ADGRV1: variants seen among roughly 807,000 people sequenced by gnomAD.
ADGRV1 encodes G-protein coupled receptor 98.
A neutral mutation model predicts 596.2 loss-of-function variants in ADGRV1; 359 were observed. That is an observed-to-expected ratio of 0.60 (90% CI 0.55 to 0.66). The LOEUF is 0.66. Ranked by LOEUF, ADGRV1 falls within the 30% of genes least tolerant of loss-of-function variation. ADGRV1 has a pLI of 0.00. For synonymous variants in ADGRV1, 2,681 were observed against 2,679.2 expected, an observed-to-expected ratio of 1.00 and a Z score of -0.02; for missense variants, 7,274 against 7,575.6, an observed-to-expected ratio of 0.96 and a Z score of 1.48.
rs895520235 is a variant in ADGRV1, at chr5:90,694,264, A to G, written c.7508A>G (p.Tyr2503Cys). 21 of 1,613,858 alleles carry G rather than the reference A, an allele frequency of 1.3e-5. No individual in the cohort carries two copies. The highest frequency in any genetic ancestry group is 7.7e-5 in the South Asian group (7 of 91,094). ...FSGQAVAGSD[Y>C]EPVTRQWAIM... ...GGTCAGGCTGTGGCTGGGAGTGACT[A>G]TGAGCCTGTGACAAGGCAATGGGCC... Residue 2503 changes from tyrosine (Y) to cysteine (C), a missense_variant, in exon 33 of 90, where the codon TAT becomes TGT. Physicochemically the swap from Tyr to Cys is radical, Grantham distance 194. This residue lies in a region of ADGRV1 where 3,643 missense variants were observed against 3,809.2 expected (regional missense o/e 0.96). Coordinates refer to ENST00000405460, the MANE Select transcript of ADGRV1 (RefSeq NM_032119.4).
rs759742825 is a variant in ADGRV1 at position 90,627,787 on chromosome 5, T to C, written c.1238+11T>C. The C allele has an allele frequency of 7.1e-7, 1 of 1,402,236 alleles. No homozygotes were observed. The highest frequency in any genetic ancestry group is 1.4e-5 in the African/African-American group (1 of 69,078). The allele number at this position is 1,402,236 out of a possible 1,614,324, so 86.9% of individuals were successfully genotyped here. A position where few individuals can be genotyped will look rare whatever the true frequency, so the allele number is the denominator to read the frequency against. On this transcript the variant is annotated intron_variant, in intron 7 of 89. Transcript: ENST00000405460. ...AGATAGAATATCAAGGTATGATTTA[T>C]TTTAAATATATTGCTACCATTATTT...
intron 1 of ADGRV1, among the ~76,000 whole-genome samples, chr5:90,579,556 GT>G (rs1227913026): frequency 1.3e-5 from 2 of 152,330 alleles, no homozygotes; most frequent in African/African-American, 4.8e-5. Context: ...TAAGTGTGAT[GT>G]GGTGCTGAGA....
chr5:90,781,591 A>G lies in ADGRV1; in HGVS notation c.13231+13A>G. Reference sequence around the variant, plus strand: ...ACTGCCTTCGAAGGTAGGTTCAGTCAGCTAGCTTGTAAGTAAGTTTACTAC... The same window carrying G: ...ACTGCCTTCGAAGGTAGGTTCAGTCGGCTAGCTTGTAAGTAAGTTTACTAC... On this transcript the variant is annotated intron_variant, in intron 65 of 89. Transcript: ENST00000405460. The G allele has an allele frequency of 2.5e-6, 4 of 1,586,740 alleles. No homozygotes were observed. Among genetic ancestry groups the G allele is most frequent in the Non-Finnish European group, 3.4e-6 (4 of 1,165,354 alleles).
At chr5:90,831,765 C>T (rs949066359) in intron 77 of ADGRV1, among the ~76,000 whole-genome samples, 16 of 152,030 alleles carry the variant, frequency 1.1e-4, no homozygotes, top group Non-Finnish European at 2.4e-4. Context: ...CATTCTACTC[C>T]CTATCTTCAT....
chr5:90,929,999 G>A (rs767784222), intron 83 of ADGRV1, among the ~76,000 whole-genome samples: 1 of 152,096 alleles, frequency 6.6e-6, no homozygotes, highest in East Asian at 1.9e-4. Context: ...TAAAAGGCCA[G>A]TCTATATTTA....
At position 90,924,661 on chromosome 5, in the gene ADGRV1, C is replaced by G. The variant is rs556856157; in HGVS notation, c.17857-40754C>G. ...ATTAGATCCCATTTGTCAATTTTGT[C>G]TTTTGTTGCCATTGCTTTTGGTGTT... is the stretch of plus-strand genomic sequence containing the variant. On this transcript the variant is annotated intron_variant, in intron 83 of 89. Coordinates refer to ENST00000405460, the MANE Select transcript of ADGRV1 (RefSeq NM_032119.4). Among the ~76,000 whole-genome samples the G allele has an allele frequency of 2.8e-4, 43 of 152,056 alleles. No homozygotes were observed. In the East Asian group the frequency reaches 5.6e-3, roughly 20 times the overall value.
intron 87 of ADGRV1, among the ~76,000 whole-genome samples, chr5:91,112,952 G>T (rs1265070310): frequency 6.6e-6 from 1 of 152,166 alleles, no homozygotes; most frequent in Non-Finnish European, 1.5e-5. Flanking sequence ...TGAGCAAAAA[G>T]AAGTGTTTAT....
chr5:90,783,256 G>A lies in ADGRV1; in HGVS notation c.13364G>A (p.Ser4455Asn), dbSNP rs727503081. 6 of 1,613,430 alleles carry A rather than the reference G, an allele frequency of 3.7e-6. No homozygotes were observed. The Admixed American group carries it at 8.3e-5, about 22-fold the overall frequency. Residue 4455 changes from serine to asparagine, a missense_variant, in exon 66 of 90, where the codon AGT (serine) becomes AAT (asparagine). This residue lies in a region of ADGRV1 where 3,643 missense variants were observed against 3,809.2 expected (regional missense o/e 0.96). Transcript: ENST00000405460. ...PGGVDYILHG[S>N]TVTFQHGQNL... ...GGTGTTGATTACATTTTGCATGGCA[G>A]TACAGTCACCTTTCAGCATGGGCAA...
At chr5:90,758,347 A>C (rs1189405968) in intron 57 of ADGRV1, among the ~76,000 whole-genome samples, 1 of 152,178 alleles carries the variant, frequency 6.6e-6, no homozygotes, top group African/African-American at 2.4e-5. Context: ...AAAACAAAAA[A>C]CAAAAAACCG....
In ADGRV1 at chr5:90,805,434, G is replaced by A. The variant is rs777579918; in HGVS notation, c.14812G>A (p.Val4938Ile). The change falls in exon 72 of 90, where the codon GTT (valine) becomes ATT (isoleucine). Residue 4938 changes from valine to isoleucine, a missense_variant. Transcript: ENST00000405460. ...PGLEIPEFIV[V>I]GNMTPTLGSL... The stretch of plus-strand genomic sequence containing the variant: ...GTTAGAAATTCCTGAATTCATTGTT[G>A]TTGGCAACATGACCCCAACACTGGG... 1.3e-5 allele frequency: 21 copies of A among 1,591,266 alleles called. No individual in the cohort carries two copies. Among genetic ancestry groups the A allele is most frequent in the Admixed American group, 5.0e-5 (3 of 59,606 alleles).
In ADGRV1 at chr5:90,807,736, C is replaced by T. The variant is rs1233334494; in HGVS notation, c.14971C>T (p.Arg4991Ter). The T allele has an allele frequency of 5.2e-6, 8 of 1,541,442 alleles. No individual in the cohort carries two copies. Among genetic ancestry groups the T allele is most frequent in the African/African-American group, 1.4e-5 (1 of 72,798 alleles). The part of the protein sequence containing the change: ...QSSAPGGAQL[R>*]SGFIVAEIEP... ...CAGTGCTCCTGGCGGAGCTCAACTC[C>T]GGTAAGACCAACCTCATTCTCACCC... is the stretch of plus-strand genomic sequence containing the variant. The change falls in exon 73 of 90, where the codon CGA becomes TGA. Residue 4991 changes from arginine (R) to a stop codon, truncating the protein, a stop_gained and splice_region_variant. Coordinates refer to ENST00000405460, the MANE Select transcript of ADGRV1 (RefSeq NM_032119.4). LOFTEE classifies it high-confidence loss of function.
intron 1 of ADGRV1, among the ~76,000 whole-genome samples, chr5:90,604,440 T>C (rs961253475): frequency 4.6e-5 from 7 of 152,130 alleles, no homozygotes; most frequent in African/African-American, 1.7e-4. Context: ...AATTAGATAA[T>C]ACTACTGAAT....
rs776256751 is a variant in ADGRV1, at chr5:90,724,951, A to G, written c.9868A>G (p.Thr3290Ala). The change falls in exon 46 of 90, where the codon ACT (threonine) becomes GCT (alanine). Residue 3290 changes from threonine to alanine, a missense_variant. Transcript: ENST00000405460. The part of the protein sequence containing the change: ...YGIMLRKSSV[T>A]VYRWQGIFIP... Reference sequence around the variant, plus strand: ...TATAATGTTAAGAAAATCATCTGTTACTGTTTACCGATGGCAGGGGATTTT... The same window carrying G: ...TATAATGTTAAGAAAATCATCTGTTGCTGTTTACCGATGGCAGGGGATTTT... 5.0e-6 allele frequency: 8 copies of G among 1,607,636 alleles called. No homozygotes were observed. The South Asian group carries it at 9.0e-5, about 18-fold the overall frequency.
intron 83 of ADGRV1, among the ~76,000 whole-genome samples, chr5:90,963,228 C>CT (rs1778177691): frequency 5.3e-5 from 8 of 152,094 alleles, no homozygotes; most frequent in Admixed American, 1.3e-4. Context: ...AAAATGATTG[C>CT]TTTTTTATCC....
intron 84 of ADGRV1, among the ~76,000 whole-genome samples, chr5:90,985,129 C>T (rs1780381693): frequency 6.6e-6 from 1 of 152,092 alleles, no homozygotes; most frequent in South Asian, 2.1e-4. Context: ...AAATATTTCC[C>T]TGTGTTTCCA....
chr5:90,911,844 T>C (rs531621667), intron 83 of ADGRV1, among the ~76,000 whole-genome samples: 8 of 152,260 alleles, frequency 5.3e-5, no homozygotes, highest in African/African-American at 1.9e-4. Flanking sequence ...TTGATTAAAG[T>C]AGAAACTGTC....
At chr5:91,010,508 T>G (rs1319504317) in intron 85 of ADGRV1, among the ~76,000 whole-genome samples, 1 of 152,092 alleles carries the variant, frequency 6.6e-6, no homozygotes, top group Non-Finnish European at 1.5e-5. Flanking sequence ...TCTCATTTAT[T>G]TAGATGAATT....
At chr5:90,927,546 T>C (rs1051636384) in intron 83 of ADGRV1, among the ~76,000 whole-genome samples, 1 of 152,216 alleles carries the variant, frequency 6.6e-6, no homozygotes, top group African/African-American at 2.4e-5. Context: ...GTGAGATGCG[T>C]TTCCTGAATA....
chr5:91,144,866 G>A (rs1252113504), intron 87 of ADGRV1, among the ~76,000 whole-genome samples: 1 of 152,242 alleles, frequency 6.6e-6, no homozygotes, highest in South Asian at 2.1e-4. Context: ...AATGCACGTA[G>A]TGGGTGATCA....
Sources: gnomAD v4.1 joint callset for allele counts (sites outside exome capture counted in the v4.1 genomes callset) on GRCh38, gnomAD v4.1.1 for gene constraint, gnomAD v4.1.1 regional missense constraint, MANE v1.5 for transcripts, NCBI Gene and HGNC (gene_info 2026-07-23, HGNC 2026-07-21) for gene names.